BMERB1: variants seen among roughly 807,000 people sequenced by gnomAD.
BMERB1 encodes the protein bMERB domain-containing protein 1.
In BMERB1, 12 loss-of-function variants were observed where a neutral mutation model predicts 23.6. The observed-to-expected ratio is 0.51, with a 90% CI of 0.33 to 0.82. BMERB1 has a LOEUF of 0.82. Ranked by LOEUF, BMERB1 falls within the 40% of genes least tolerant of loss-of-function variation. The pLI, the probability that BMERB1 is intolerant of heterozygous loss-of-function variation, is 0.03. For synonymous variants in BMERB1, 122 were observed against 96.6 expected (o/e 1.26, Z -1.54); for missense variants, 247 against 255.4 (o/e 0.97, Z 0.22).
intron 1 of BMERB1, 119 bp from the exon 2 acceptor site, chr16:15,515,186 G>A (rs538160045): frequency 1.4e-6 from 2 of 1,396,968 alleles, no homozygotes; most frequent in Admixed American, 2.2e-5. Flanking sequence ...ACAGGCTGAA[G>A]TCTGTCCTCA....
chr16:15,570,343 C>CTA (rs2030692489), intron 3 of BMERB1, among the ~76,000 whole-genome samples: 1 of 152,160 alleles, frequency 6.6e-6, no homozygotes, highest in Admixed American at 6.5e-5. Context: ...TCTTACTGAG[C>CTA]TACAAGTGCA....
chr16:15,572,964 T>A (rs1229045603), intron 3 of BMERB1, among the ~76,000 whole-genome samples: 1 of 152,204 alleles, frequency 6.6e-6, no homozygotes, highest in Non-Finnish European at 1.5e-5. Flanking sequence ...GACGTGCCTT[T>A]TGCCTTCTGC....
In BMERB1 at chr16:15,587,623, C is replaced by A; in HGVS notation, c.*794C>A. 2.5e-6 allele frequency: 1 copy of A among 401,578 alleles called. No homozygotes were observed. Among genetic ancestry groups the A allele is most frequent in the Non-Finnish European group, 5.2e-6 (1 of 193,054 alleles). The allele number at this position is 401,578 out of a possible 1,614,324, so 24.9% of individuals were successfully genotyped here. ...TTGAGAATGGGACCCAGAGTAGATG[C>A]TGACCTGGGCACTCCACCATTCCGG... On this transcript the variant is annotated 3_prime_UTR_variant, in exon 6 of 6. Coordinates refer to ENST00000300006, the MANE Select transcript of BMERB1 (RefSeq NM_033201.3).
chr16:15,578,584 C>T (rs2030930280), intron 3 of BMERB1, among the ~76,000 whole-genome samples: 1 of 152,126 alleles, frequency 6.6e-6, no homozygotes, highest in Admixed American at 6.5e-5. Context: ...CTGTGGCTTG[C>T]TCTAGACCGG....
chr16:15,471,433 A>G (rs189990227), intron 1 of BMERB1, among the ~76,000 whole-genome samples: 19 of 152,224 alleles, frequency 1.2e-4, no homozygotes, highest in Admixed American at 3.9e-4. Flanking sequence ...TTCGTCTTGG[A>G]TGAGTTTGGT....
At chr16:15,503,073 A>G (rs1003468111) in intron 1 of BMERB1, among the ~76,000 whole-genome samples, 1 of 152,192 alleles carries the variant, frequency 6.6e-6, no homozygotes, top group African/African-American at 2.4e-5. Context: ...GATTCAACCA[A>G]TTATGGATGG....
At chr16:15,522,704 C>T (rs1048691756) in intron 2 of BMERB1, among the ~76,000 whole-genome samples, 1 of 152,100 alleles carries the variant, frequency 6.6e-6, no homozygotes, top group Non-Finnish European at 1.5e-5. Context: ...CCCTTGTCCC[C>T]CTCGCAGGGT....
At chr16:15,476,048 T>C (rs1423217248) in intron 1 of BMERB1, among the ~76,000 whole-genome samples, 4 of 152,230 alleles carry the variant, frequency 2.6e-5, no homozygotes, top group Admixed American at 2.6e-4. Context: ...AAAGCCCCCC[T>C]GTGAACAAAC....
intron 1 of BMERB1, among the ~76,000 whole-genome samples, chr16:15,484,682 G>A (rs1389911870): frequency 3.3e-5 from 5 of 152,142 alleles, no homozygotes; most frequent in African/African-American, 1.2e-4. Context: ...GATTACAGGC[G>A]TGAGCCACCG....
At chr16:15,451,031 G>T (rs956563853) in intron 1 of BMERB1, among the ~76,000 whole-genome samples, 1 of 152,126 alleles carries the variant, frequency 6.6e-6, no homozygotes, top group Non-Finnish European at 1.5e-5. Context: ...CCAAGTGTGA[G>T]ATTTAAAGCC....
At chr16:15,486,366 T>G (rs895395147) in intron 1 of BMERB1, among the ~76,000 whole-genome samples, 1 of 152,130 alleles carries the variant, frequency 6.6e-6, no homozygotes, top group Non-Finnish European at 1.5e-5. Context: ...CCACTGGAAT[T>G]CAGGAAGGGG....
At chr16:15,524,906 A>G (rs1159156880) in intron 2 of BMERB1, among the ~76,000 whole-genome samples, 2 of 152,202 alleles carry the variant, frequency 1.3e-5, no homozygotes, top group Admixed American at 6.5e-5. Flanking sequence ...ACTGTATTAC[A>G]TTCTGCTCAG....
chr16:15,497,543 A>G (rs2051484914), intron 1 of BMERB1, among the ~76,000 whole-genome samples: 1 of 152,200 alleles, frequency 6.6e-6, no homozygotes, highest in African/African-American at 2.4e-5. Flanking sequence ...GTTGGTTTCA[A>G]CACCCTGATT....
intron 2 of BMERB1, among the ~76,000 whole-genome samples, chr16:15,544,228 G>A (rs2052111435): frequency 6.6e-6 from 1 of 152,158 alleles, no homozygotes; most frequent in Non-Finnish European, 1.5e-5. Flanking sequence ...TGCCCTTGGA[G>A]CGAGCTTTAC....
At chr16:15,482,785 A>G (rs1287266969) in intron 1 of BMERB1, among the ~76,000 whole-genome samples, 2 of 152,226 alleles carry the variant, frequency 1.3e-5, no homozygotes, top group Admixed American at 1.3e-4. Flanking sequence ...TAATACATGT[A>G]CATAATAATT....
intron 3 of BMERB1, chr16:15,577,264 C>T (rs1241054359): frequency 6.6e-6 from 1 of 152,136 alleles, no homozygotes; most frequent in Non-Finnish European, 1.5e-5. Flanking sequence ...GTCTACAGCT[C>T]GATTTTACTG....
Position 15,581,304 on chromosome 16 carries a change from T to C in BMERB1, c.392T>C (p.Val131Ala). ...CTGGTGCAGAAGAGAGACTTCCTGGTGGACGATGCGGAGGTCGAGCGGTTA... is the reference window on the plus strand; with the variant it reads ...CTGGTGCAGAAGAGAGACTTCCTGGCGGACGATGCGGAGGTCGAGCGGTTA... The part of the protein sequence containing the change: ...HKLVQKRDFL[V>A]DDAEVERLRE... The change falls in exon 4 of 6, where the codon GTG becomes GCG. Residue 131 changes from valine to alanine, a missense_variant. Transcript: ENST00000300006. 6.2e-7 allele frequency: 1 copy of C among 1,614,076 alleles called. No homozygotes were observed. Among genetic ancestry groups the C allele is most frequent in the Non-Finnish European group, 8.5e-7 (1 of 1,179,992 alleles).
intron 2 of BMERB1, among the ~76,000 whole-genome samples, chr16:15,541,423 GTTTTTTTTTTT>G (rs869249451): frequency 1.1e-5 from 1 of 92,128 alleles, no homozygotes; most frequent in South Asian, 3.7e-4. Context: ...CCGCCGAATT[GTTTTTTTTTTT>G]TTTTTTTTTT....
At chr16:15,530,037 AGAACCGTACTCT>A (rs1466578204) in intron 2 of BMERB1, among the ~76,000 whole-genome samples, 1 of 152,164 alleles carries the variant, frequency 6.6e-6, no homozygotes, top group Non-Finnish European at 1.5e-5. Context: ...TCCAGCTTCT[AGAACCGTACTCT>A]TTGCATTTCT....
Sources: allele counts gnomAD v4.1 joint callset (sites outside exome capture counted in the v4.1 genomes callset), GRCh38; gene constraint gnomAD v4.1.1; transcripts MANE v1.5; gene names NCBI Gene and HGNC (gene_info 2026-07-23, HGNC 2026-07-21).